Variants in IL1RAP observed in about 807,000 individuals in gnomAD.
The protein encoded by IL1RAP is interleukin 1 receptor accessory protein.
In IL1RAP, 35 loss-of-function variants were observed where a neutral mutation model predicts 60.7. The observed-to-expected ratio is 0.58, with a 90% CI of 0.44 to 0.76. The LOEUF is 0.76. Among genes scored for constraint, IL1RAP ranks in the 30% least tolerant of loss-of-function variants. The pLI, the probability that IL1RAP is intolerant of heterozygous loss-of-function variation, is 0.00. For missense variants in IL1RAP, 572 were observed against 693.9 expected (o/e 0.82, Z 1.97); for synonymous variants, 268 against 250.9 (o/e 1.07, Z -0.64).
At chr3:190,554,159 C>T in intron 1 of IL1RAP, among the ~76,000 whole-genome samples, 1 of 151,370 alleles carries the variant, frequency 6.6e-6, no homozygotes, top group Non-Finnish European at 1.5e-5. Context: ...GTTCTGGGCA[C>T]CAAAGATGTT....
intron 1 of IL1RAP, among the ~76,000 whole-genome samples, chr3:190,523,733 G>A (rs1244519326): frequency 6.6e-6 from 1 of 152,150 alleles, no homozygotes; most frequent in African/African-American, 2.4e-5. Flanking sequence ...ATTCCACGGT[G>A]TATATGTACC....
At chr3:190,566,322 A>T (rs1726394985) in intron 3 of IL1RAP, among the ~76,000 whole-genome samples, 1 of 152,034 alleles carries the variant, frequency 6.6e-6, no homozygotes, top group Non-Finnish European at 1.5e-5. Flanking sequence ...GTAATTCATC[A>T]TGTGGTTTTA....
chr3:190,606,232 C>A (rs1297649651), intron 4 of IL1RAP, among the ~76,000 whole-genome samples: 1 of 152,126 alleles, frequency 6.6e-6, no homozygotes, highest in Middle Eastern at 3.2e-3. Context: ...TGTTCTAATA[C>A]AACTTGGTAG....
At chr3:190,546,967 G>GTT (rs1274323957) in intron 1 of IL1RAP, among the ~76,000 whole-genome samples, 8 of 152,184 alleles carry the variant, frequency 5.3e-5, no homozygotes, top group African/African-American at 1.9e-4. Context: ...CTGTCAATAT[G>GTT]TTTTTAGTAT....
chr3:190,593,508 T>C (rs1198263973), intron 3 of IL1RAP, among the ~76,000 whole-genome samples: 1 of 152,228 alleles, frequency 6.6e-6, no homozygotes, highest in African/African-American at 2.4e-5. Context: ...CTGGGCAATT[T>C]ATAAAGGAAA....
chr3:190,587,364 A>G (rs1444260089), intron 3 of IL1RAP, among the ~76,000 whole-genome samples: 1 of 152,242 alleles, frequency 6.6e-6, no homozygotes, highest in Non-Finnish European at 1.5e-5. Context: ...AGGCATTATG[A>G]AGAGTGAAAA....
intron 9 of IL1RAP, among the ~76,000 whole-genome samples, chr3:190,641,257 G>A (rs149309097): frequency 6.6e-6 from 1 of 152,156 alleles, no homozygotes; most frequent in Non-Finnish European, 1.5e-5. Context: ...GAGCCACTGC[G>A]CCCGGCCTCT....
intron 9 of IL1RAP, among the ~76,000 whole-genome samples, chr3:190,641,556 G>A (rs898839426): frequency 6.6e-6 from 1 of 152,172 alleles, no homozygotes; most frequent in Admixed American, 6.5e-5. Flanking sequence ...ACAAATGACT[G>A]TATGACACAA....
At chr3:190,597,417 C>T (rs1183474962) in intron 3 of IL1RAP, among the ~76,000 whole-genome samples, 1 of 152,176 alleles carries the variant, frequency 6.6e-6, no homozygotes, top group Non-Finnish European at 1.5e-5. Flanking sequence ...CATGTCACAG[C>T]CGCTTGAAAG....
intron 10 of IL1RAP, among the ~76,000 whole-genome samples, chr3:190,645,057 A>G (rs992206412): frequency 1.3e-5 from 2 of 152,204 alleles, no homozygotes; most frequent in African/African-American, 4.8e-5. Flanking sequence ...CAAGTGATTC[A>G]TGTGTACGTT....
intron 3 of IL1RAP, among the ~76,000 whole-genome samples, chr3:190,573,629 C>CT (rs1167172676): frequency 6.6e-6 from 1 of 152,172 alleles, no homozygotes; most frequent in Admixed American, 6.5e-5. Flanking sequence ...CTTTATTACT[C>CT]TAAATATCCT....
intron 1 of IL1RAP, among the ~76,000 whole-genome samples, chr3:190,545,772 G>C (rs1291762648): frequency 6.6e-6 from 1 of 152,184 alleles, no homozygotes; most frequent in Non-Finnish European, 1.5e-5. Flanking sequence ...GGCAGCTTGA[G>C]GATCTGGAGA....
chr3:190,564,023 C>A, intron 2 of IL1RAP: 1 of 384,722 alleles, frequency 2.6e-6, no homozygotes. Context: ...TGTCTCTAGC[C>A]AAAGGATCTT....
intron 1 of IL1RAP, among the ~76,000 whole-genome samples, chr3:190,524,979 T>C (rs1181424288): frequency 7.1e-6 from 1 of 140,586 alleles, no homozygotes; most frequent in Non-Finnish European, 1.6e-5. Flanking sequence ...TAATAATTTA[T>C]GTCTATGTAC....
At chr3:190,608,447 C>G (rs1253753786) in intron 4 of IL1RAP, among the ~76,000 whole-genome samples, 2 of 152,092 alleles carry the variant, frequency 1.3e-5, no homozygotes, top group African/African-American at 4.8e-5. Context: ...ATGGATAGAG[C>G]TTGTAGGACT....
chr3:190,646,020 C>G (rs1046683678), intron 11 of IL1RAP, among the ~76,000 whole-genome samples, 178 bp downstream of exon 11: 1 of 152,152 alleles, frequency 6.6e-6, no homozygotes, highest in African/African-American at 2.4e-5. Flanking sequence ...CTATTCAACT[C>G]AGTTTATGGT....
At position 190,648,758 on chromosome 3, in the gene IL1RAP, T is replaced by A; in HGVS notation, c.*53T>A. On this transcript the variant is annotated 3_prime_UTR_variant, in exon 12 of 12. Transcript: ENST00000447382. Reference sequence around the variant, plus strand: ...CAAGGGGTGCTCCAGGAAGAAAGAGTCCCCCCAGTCTTCATTCGCAGTTTA... The same window carrying A: ...CAAGGGGTGCTCCAGGAAGAAAGAGACCCCCCAGTCTTCATTCGCAGTTTA... 6.5e-7 allele frequency: 1 copy of A among 1,541,404 alleles called. No homozygotes were observed. The highest frequency in any genetic ancestry group is 8.7e-7 in the Non-Finnish European group (1 of 1,148,022).
chr3:190,524,487 A>G (rs1046712038), intron 1 of IL1RAP, among the ~76,000 whole-genome samples: 8 of 152,140 alleles, frequency 5.3e-5, no homozygotes, highest in Non-Finnish European at 1.0e-4. Context: ...TCTTTAATCC[A>G]TCCTGAGTTA....
intron 5 of IL1RAP, among the ~76,000 whole-genome samples, chr3:190,611,500 A>T (rs1359419927): frequency 6.6e-6 from 1 of 152,242 alleles, no homozygotes; most frequent in Non-Finnish European, 1.5e-5. Context: ...ATTAAAAGAA[A>T]CATATAAGAC....
Sources: allele counts gnomAD v4.1 joint callset (sites outside exome capture counted in the v4.1 genomes callset), GRCh38; gene constraint gnomAD v4.1.1; transcripts MANE v1.5; gene names NCBI Gene and HGNC (gene_info 2026-07-23, HGNC 2026-07-21).